MYOM1: variants seen among roughly 807,000 people sequenced by gnomAD.
MYOM1 encodes the protein myomesin 1, also known as myomesin-1.
MYOM1 carries 164 observed loss-of-function variants against 205.3 expected under a neutral mutation model. That is an observed-to-expected ratio of 0.80 (90% CI 0.70 to 0.91). The LOEUF (loss-of-function observed/expected upper bound fraction) is 0.91, where lower values mean the gene tolerates loss of function less well. Ranked by LOEUF, MYOM1 falls within the 40% of genes least tolerant of loss-of-function variation. The pLI is 0.00. For synonymous variants in MYOM1, 772 were observed against 789.4 expected (o/e 0.98, Z 0.37); for missense variants, 2,011 against 2,127.3 (o/e 0.95, Z 1.08).
rs2080953893 is a variant in MYOM1 at position 3,193,808 on chromosome 18, GC to G, written c.431+9del. ...TAAAAATTAAAGCCAGGAAGAAAAA[GC>G]ACACTCACCGTCCTGAGAAAATGGG... is the stretch of plus-strand genomic sequence containing the variant. On this transcript the variant is annotated intron_variant, in intron 3 of 37. Transcript: ENST00000356443. 2 of 1,604,502 alleles carry G rather than the reference GC, an allele frequency of 1.2e-6. No individual in the cohort carries two copies. Among genetic ancestry groups the G allele is most frequent in the Admixed American group, 1.7e-5 (1 of 57,766 alleles).
intron 2 of MYOM1, 55 bp downstream of exon 2, chr18:3,214,879 C>T: frequency 6.6e-7 from 1 of 1,509,836 alleles, no homozygotes; most frequent in South Asian, 1.3e-5. Flanking sequence ...GAGGGTTACT[C>T]AGAGCACACG....
At chr18:3,193,267 C>T (rs1280689915) in intron 3 of MYOM1, among the ~76,000 whole-genome samples, 2 of 149,100 alleles carry the variant, frequency 1.3e-5, no homozygotes, top group African/African-American at 5.1e-5. Flanking sequence ...GAGTGAGACC[C>T]TATCTCAAAT....
rs773824816 is a variant in MYOM1 at position 3,189,057 on chromosome 18, C to T, written c.462G>A (p.Thr154=). 17 of 1,612,850 alleles carry T rather than the reference C, an allele frequency of 1.1e-5. No homozygotes were observed. Among genetic ancestry groups the T allele is most frequent in the African/African-American group, 4.0e-5 (3 of 74,774 alleles). ...RQKHVSGITD[T]EEERIKEAAA... ...CAGCTTCTTTAATTCTTTCTTCTTC[C>T]GTATCAGTAATTCCACTGACATGCT... Residue 154 remains threonine (T), a synonymous_variant, in exon 4 of 38, where the codon ACG becomes ACA. Coordinates refer to ENST00000356443, the MANE Select transcript of MYOM1 (RefSeq NM_003803.4). The surrounding 1 kb of genome is among the most constrained non-coding windows in gnomAD (Gnocchi z 4.8).
chr18:3,190,037 A>G (rs1217259598), intron 3 of MYOM1, among the ~76,000 whole-genome samples: 1 of 152,174 alleles, frequency 6.6e-6, no homozygotes, highest in African/African-American at 2.4e-5. Context: ...ATACTAAGAA[A>G]TTATCAAACT....
Position 3,214,917 on chromosome 18 carries a change from G to T in MYOM1, c.290+17C>A. On this transcript the variant is annotated intron_variant, in intron 2 of 37. Coordinates refer to ENST00000356443, the MANE Select transcript of MYOM1 (RefSeq NM_003803.4). The stretch of plus-strand genomic sequence containing the variant: ...TCTTCCTGAGGTTGGAAGGTTGGAG[G>T]AGGGCGTCCGACATACCCATGGGAG... The T allele has an allele frequency of 6.4e-7, 1 of 1,561,726 alleles. No individual in the cohort carries two copies. The highest frequency in any genetic ancestry group is 8.7e-7 in the Non-Finnish European group (1 of 1,152,172).
intron 13 of MYOM1, among the ~76,000 whole-genome samples, chr18:3,143,769 T>G (rs2080083738): frequency 6.6e-6 from 1 of 151,160 alleles, no homozygotes; most frequent in African/African-American, 2.4e-5. Flanking sequence ...GGTATGGTGG[T>G]GTGTACCTAT....
At chr18:3,194,424 C>A (rs1346530196) in intron 2 of MYOM1, among the ~76,000 whole-genome samples, 2 of 152,192 alleles carry the variant, frequency 1.3e-5, no homozygotes, top group Non-Finnish European at 2.9e-5. Flanking sequence ...GTATTATAGG[C>A]AACTCCTGCC....
chr18:3,228,474 G>A, the MYOM1 span, among the ~76,000 whole-genome samples: 44 of 152,142 alleles, frequency 2.9e-4, no homozygotes, highest in South Asian at 1.9e-3. The surrounding 1 kb of genome is among the most constrained non-coding windows in gnomAD (Gnocchi z 4.5). Flanking sequence ...ACTGTCTCCC[G>A]ACAATGACTG....
intron 2 of MYOM1, among the ~76,000 whole-genome samples, chr18:3,214,461 G>A (rs200975502): frequency 1.1e-3 from 160 of 152,314 alleles, no homozygotes; most frequent in African/African-American, 3.8e-3. Context: ...GGTAGGCACG[G>A]GTCCCGGGTC....
At chr18:3,176,204 A>G (rs2080638755) in intron 5 of MYOM1, 70 bp from the exon 6 acceptor site, 2 of 858,118 alleles carry the variant, frequency 2.3e-6, no homozygotes, top group East Asian at 4.9e-5. Context: ...CACACACACA[A>G]TTCTTGTTCT....
chr18:3,123,456 G>A (rs1043650062), intron 19 of MYOM1, among the ~76,000 whole-genome samples: 5 of 151,822 alleles, frequency 3.3e-5, no homozygotes, highest in Admixed American at 6.6e-5. Flanking sequence ...GTAGAGAATC[G>A]TAAAACTTTA....
At chr18:3,241,695 A>G in the MYOM1 span, among the ~76,000 whole-genome samples, 4 of 152,220 alleles carry the variant, frequency 2.6e-5, no homozygotes, top group Non-Finnish European at 4.4e-5. Context: ...TCCAGACCAC[A>G]GAGTGATGGA....
chr18:3,217,998 A>G (rs2081290553), intron 1 of MYOM1, among the ~76,000 whole-genome samples: 2 of 152,218 alleles, frequency 1.3e-5, no homozygotes, highest in Non-Finnish European at 2.9e-5. Context: ...TATAAGGAAC[A>G]TGCAGGCTTC....
intron 27 of MYOM1, 108 bp downstream of exon 27, chr18:3,090,550 T>C (rs1366684513): frequency 4.9e-6 from 7 of 1,420,544 alleles, no homozygotes; most frequent in South Asian, 2.6e-5. Flanking sequence ...TAGAAGTCAA[T>C]TAAGAAAAAA....
At chr18:3,072,966 T>A (rs1003862909) in intron 36 of MYOM1, among the ~76,000 whole-genome samples, 1 of 145,516 alleles carries the variant, frequency 6.9e-6, no homozygotes, top group South Asian at 2.2e-4. Flanking sequence ...CTCATGCAGA[T>A]GTAAGCATTT....
chr18:3,153,564 T>C (rs2080250368), intron 11 of MYOM1, among the ~76,000 whole-genome samples: 1 of 152,182 alleles, frequency 6.6e-6, no homozygotes, highest in South Asian at 2.1e-4. Context: ...CCTGGAAATG[T>C]GCCAAAGACA....
At chr18:3,083,421 CTTTTTCTTTTTT>C (rs1567895985) in intron 33 of MYOM1, among the ~76,000 whole-genome samples, 2 of 94,124 alleles carry the variant, frequency 2.1e-5, no homozygotes, top group African/African-American at 7.0e-5. Context: ...TTTTCTTTTT[CTTTTTCTTTTTT>C]TTTTTTTTTT....
At chr18:3,223,694 T>G (rs2081341021), upstream of MYOM1, among the ~76,000 whole-genome samples, 1 of 152,240 alleles carries the variant, frequency 6.6e-6, no homozygotes, top group African/African-American at 2.4e-5. Context: ...ACATTCTGTG[T>G]GGAGCAATTT....
chr18:3,148,296 G>A (rs187252740), intron 13 of MYOM1, among the ~76,000 whole-genome samples: 9 of 152,350 alleles, frequency 5.9e-5, no homozygotes, highest in Non-Finnish European at 1.3e-4. Context: ...GTTCATAGAA[G>A]CTTTCAACAG....
Sources: allele counts gnomAD v4.1 joint callset (sites outside exome capture counted in the v4.1 genomes callset), GRCh38; gene constraint gnomAD v4.1.1; non-coding constraint Gnocchi (gnomAD v3.1); transcripts MANE v1.5; gene names NCBI Gene and HGNC (gene_info 2026-07-23, HGNC 2026-07-21).